Variants in ARHGEF7 observed in about 807,000 individuals in gnomAD.
ARHGEF7 encodes the protein Rho guanine nucleotide exchange factor 7, also known as PAK-interacting exchange factor beta.
In ARHGEF7, 33 loss-of-function variants were observed where a neutral mutation model predicts 109.8. The ratio of observed to expected loss-of-function variants is 0.30; its 90% CI spans 0.23 to 0.40. ARHGEF7 has a LOEUF of 0.40. Ranked by LOEUF, ARHGEF7 falls within the 10% of genes least tolerant of loss-of-function variation. The probability of loss-of-function intolerance (pLI) is 1.00; values close to 1 mark genes in which losing one functional copy is unlikely to be tolerated. For missense variants in ARHGEF7, 938 were observed against 1,098.5 expected, an observed-to-expected ratio of 0.85 and a Z score of 2.07; for synonymous variants, 458 against 424.6, an observed-to-expected ratio of 1.08 and a Z score of -0.97.
Position 111,217,881 on chromosome 13 carries a change from G to T in ARHGEF7, c.670+1G>T. ...TACGTGCGCGAGGTCAAGGCCAGCG[G>T]TAAGTGGCCGAGCCTGGGCTGTGTG... On this transcript the variant is annotated splice_donor_variant, in intron 5 of 21. Transcript: ENST00000646102. LOFTEE classifies it high-confidence loss of function. 6.2e-7 allele frequency: 1 copy of T among 1,609,040 alleles called. No homozygotes were observed. Among genetic ancestry groups the T allele is most frequent in the Non-Finnish European group, 8.5e-7 (1 of 1,176,186 alleles).
chr13:111,252,349 C>G (rs751104304), intron 8 of ARHGEF7, among the ~76,000 whole-genome samples: 39 of 152,222 alleles, frequency 2.6e-4, no homozygotes, highest in Non-Finnish European at 4.0e-4. Context: ...AGTGAGTGCT[C>G]TCTCAGGAGA....
intron 2 of ARHGEF7, among the ~76,000 whole-genome samples, chr13:111,188,938 G>GT (rs1344844598): frequency 6.6e-6 from 1 of 152,160 alleles, no homozygotes; most frequent in Non-Finnish European, 1.5e-5. Flanking sequence ...AGATGATGGC[G>GT]TATTAATAAA....
rs757857750 is a variant in ARHGEF7, at chr13:111,280,694, TCTC to T, written c.1725+23_1725+25del. ...TCTCATACCGTAAGGACTTGGTGCT[TCTC>T]CTCCTTCCAGACTCCAGGCGTGGCA... On this transcript the variant is annotated intron_variant, in intron 15 of 21. Coordinates refer to ENST00000646102, the MANE Select transcript of ARHGEF7 (RefSeq NM_001354046.2). 3 of 1,511,034 alleles carry T rather than the reference TCTC, an allele frequency of 2.0e-6. No individual in the cohort carries two copies. The highest frequency in any genetic ancestry group is 1.3e-5 in the South Asian group (1 of 74,794). 93.6% of individuals were successfully genotyped at this position (1,511,034 alleles called of 1,614,324 possible). A position where few individuals can be genotyped will look rare whatever the true frequency, so the allele number is the denominator to read the frequency against.
chr13:111,244,308 T>G lies in ARHGEF7; in HGVS notation c.950+14T>G. On this transcript the variant is annotated intron_variant, in intron 8 of 21. Transcript: ENST00000646102. ...AGAATGCACCAAGTAAGTAAGATGC[T>G]AAAAATTTGCAACACTCAGGTTGGT... is the stretch of plus-strand genomic sequence containing the variant. 6.5e-7 allele frequency: 1 copy of G among 1,539,082 alleles called. No individual in the cohort carries two copies. Among genetic ancestry groups the G allele is most frequent in the Non-Finnish European group, 8.9e-7 (1 of 1,129,082 alleles).
In ARHGEF7 at chr13:111,233,289, A is replaced by G; in HGVS notation, c.755A>G (p.Asn252Ser). 1 of 1,612,878 alleles carries G rather than the reference A, an allele frequency of 6.2e-7. No individual in the cohort carries two copies. Among genetic ancestry groups the G allele is most frequent in the Non-Finnish European group, 8.5e-7 (1 of 1,178,862 alleles). The change falls in exon 6 of 22, where the codon AAT (asparagine) becomes AGT (serine). Residue 252 changes from asparagine to serine, a missense_variant. Asn to Ser is a conservative substitution (Grantham distance 46, BLOSUM62 1). Coordinates refer to ENST00000646102, the MANE Select transcript of ARHGEF7 (RefSeq NM_001354046.2). ...DTTAINKSYY[N>S]VVLQNILETE... is the part of the protein sequence containing the mutation. ...ACTGCCATAAACAAAAGCTATTACA[A>G]TGTGGTGAGTAATTGCAGAACATTT...
Position 111,270,644 on chromosome 13 carries a change from G to A in ARHGEF7, c.1073+2974G>A, listed in dbSNP as rs137886136. Among the ~76,000 whole-genome samples, 926 of 152,206 alleles carry A rather than the reference G, an allele frequency of 6.1e-3. 9 individuals are homozygous for A. The highest frequency in any genetic ancestry group is 0.021 in the African/African-American group (870 of 41,518). ...TTTGTTAGTTTTTCTCTGCTGTACC[G>A]TAGTTAGGAAATTTCACAGGTAACC... On this transcript the variant is annotated intron_variant, in intron 9 of 21. Coordinates refer to ENST00000646102, the MANE Select transcript of ARHGEF7 (RefSeq NM_001354046.2).
rs377695393 is a variant in ARHGEF7 at position 111,203,430 on chromosome 13, A to G, written c.253-1859A>G. The stretch of plus-strand genomic sequence containing the variant: ...AAATATTACAACAAATGTATTCTGT[A>G]TGAAAGATGATTCTAAAGACTATCT... On this transcript the variant is annotated intron_variant, in intron 2 of 21. Coordinates refer to ENST00000646102, the MANE Select transcript of ARHGEF7 (RefSeq NM_001354046.2). Among the ~76,000 whole-genome samples the G allele has an allele frequency of 4.6e-5, 7 of 152,372 alleles. 1 individual carries two copies. Among genetic ancestry groups the G allele is most frequent in the African/African-American group, 7.2e-5 (3 of 41,586 alleles).
In ARHGEF7 at chr13:111,273,983, C is replaced by T; in HGVS notation, c.1212+31C>T. ...GCGCTTTCATTCTCTTACTTGGAGT[C>T]CTTACCAAGGGTTAGTGGCATGGTC... On this transcript the variant is annotated intron_variant, in intron 10 of 21. Coordinates refer to ENST00000646102, the MANE Select transcript of ARHGEF7 (RefSeq NM_001354046.2). The surrounding 1 kb of genome is among the most constrained non-coding windows in gnomAD (Gnocchi z 4.5). 6.2e-7 allele frequency: 1 copy of T among 1,609,356 alleles called. No homozygotes were observed. Among genetic ancestry groups the T allele is most frequent in the Non-Finnish European group, 8.5e-7 (1 of 1,176,236 alleles).
At chr13:111,256,573 G>A (rs1404378141) in intron 8 of ARHGEF7, among the ~76,000 whole-genome samples, 1 of 152,186 alleles carries the variant, frequency 6.6e-6, no homozygotes, top group South Asian at 2.1e-4. Context: ...GCCGATCTCT[G>A]TGGAGACCTT....
chr13:111,200,165 T>G (rs1106830), intron 2 of ARHGEF7, among the ~76,000 whole-genome samples: 68,962 of 151,722 alleles, frequency 0.45, 16,351 homozygotes, highest in South Asian at 0.55. Flanking sequence ...GAGGGGTCCT[T>G]ACCAGCCTTG....
chr13:111,273,418 G>A lies in ARHGEF7; in HGVS notation c.1074-396G>A, dbSNP rs79375193. ...CATCAGTGTGCTCTAGCTCTTTACC[G>A]GAGCAGCTCGGTCCTTGTTCTACCA... is the stretch of plus-strand genomic sequence containing the variant. On this transcript the variant is annotated intron_variant, in intron 9 of 21. Coordinates refer to ENST00000646102, the MANE Select transcript of ARHGEF7 (RefSeq NM_001354046.2). This position sits in a 1 kb window ranked among gnomAD's most constrained non-coding sequence, Gnocchi z 4.5. Among the ~76,000 whole-genome samples the A allele has an allele frequency of 2.3e-3, 345 of 152,298 alleles. 8 individuals are homozygous for A. The East Asian group carries it at 0.062, about 27-fold the overall frequency.
chr13:111,115,726 C>G (rs1250334149), intron 1 of ARHGEF7, 35 bp downstream of exon 1: 14 of 1,106,038 alleles, frequency 1.3e-5, no homozygotes, highest in Admixed American at 5.1e-5. Context: ...CCGCGCCCCC[C>G]GGTCCGGCCC....
At chr13:111,115,828 C>T (rs1193260277) in intron 1 of ARHGEF7, 137 bp downstream of exon 1, 3 of 306,380 alleles carry the variant, frequency 9.8e-6, no homozygotes, top group South Asian at 1.3e-4. Flanking sequence ...GCGGCGCGGC[C>T]GGCGCCAGGA....
intron 2 of ARHGEF7, among the ~76,000 whole-genome samples, chr13:111,165,572 G>A (rs1307130382): frequency 2.0e-5 from 3 of 152,166 alleles, no homozygotes; most frequent in African/African-American, 7.2e-5. Context: ...AGGAACAAGC[G>A]TTCTGGTTTG....
At chr13:111,268,795 G>A (rs541594924) in intron 9 of ARHGEF7, among the ~76,000 whole-genome samples, 100 of 152,344 alleles carry the variant, frequency 6.6e-4, no homozygotes, top group Middle Eastern at 3.4e-3. Flanking sequence ...AGCAGGTCAG[G>A]TCAGGGTGAA....
Position 111,301,676 on chromosome 13 carries a change from T to G in ARHGEF7, c.2466+144T>G, listed in dbSNP as rs1312519087. On this transcript the variant is annotated intron_variant, in intron 21 of 21. Transcript: ENST00000646102. The stretch of plus-strand genomic sequence containing the variant: ...AGAAGGCCGAGGTGGACAGATCACC[T>G]GAGGTCAGGAGTTCAAGACCAACCT... 2.3e-5 allele frequency: 14 copies of G among 598,942 alleles called. No individual in the cohort carries two copies. In the East Asian group the frequency reaches 4.3e-4, roughly 18 times the overall value. 37.1% of individuals were successfully genotyped at this position (598,942 alleles called of 1,614,324 possible).
At chr13:111,139,562 C>CGGGTGCCTGCGTGGAGCACTGGT (rs1476229093) in intron 1 of ARHGEF7, among the ~76,000 whole-genome samples, 1 of 149,564 alleles carries the variant, frequency 6.7e-6, no homozygotes. Flanking sequence ...GGAGCACTGG[C>CGGGTGCCTGCGTGGAGCACTGGT]GGGTGCCTGC....
intron 2 of ARHGEF7, among the ~76,000 whole-genome samples, chr13:111,174,230 TG>T (rs1439032420): frequency 6.6e-6 from 1 of 152,236 alleles, no homozygotes; most frequent in Non-Finnish European, 1.5e-5. Context: ...TAATTAAAAT[TG>T]GTTACTCTTA....
At chr13:111,222,378 C>T (rs997126946) in intron 5 of ARHGEF7, among the ~76,000 whole-genome samples, 4 of 152,100 alleles carry the variant, frequency 2.6e-5, no homozygotes, top group Non-Finnish European at 4.4e-5. Context: ...CTCTAATTAC[C>T]TAAGCATATT....
Sources: allele counts gnomAD v4.1 joint callset (sites outside exome capture counted in the v4.1 genomes callset), GRCh38; gene constraint gnomAD v4.1.1; non-coding constraint Gnocchi (gnomAD v3.1); transcripts MANE v1.5; gene names NCBI Gene and HGNC (gene_info 2026-07-23, HGNC 2026-07-21).